Variants in SLC18A2 observed in about 807,000 individuals in gnomAD.
The protein encoded by SLC18A2 is synaptic vesicular amine transporter.
Under a neutral mutation model 59.2 loss-of-function variants are expected in SLC18A2, and 33 were observed. The ratio of observed to expected loss-of-function variants is 0.56; its 90% confidence interval spans 0.42 to 0.75. The LOEUF is 0.75. SLC18A2 is among the 30% of genes least tolerant of loss of function. The probability of loss-of-function intolerance (pLI) is 0.00; values close to 1 mark genes in which losing one functional copy is unlikely to be tolerated. For missense variants in SLC18A2, 569 were observed against 668.6 expected (o/e 0.85, Z 1.64); for synonymous variants, 228 against 253.5 (o/e 0.90, Z 0.95).
rs138960088 is a variant in SLC18A2, at chr10:117,262,408, G to A, written c.992-4325G>A. Among the ~76,000 whole-genome samples, 109 of 152,330 alleles carry A rather than the reference G, an allele frequency of 7.2e-4. 1 individual carries two copies. Among genetic ancestry groups the A allele is most frequent in the Middle Eastern group, 3.4e-3 (1 of 294 alleles). On this transcript the variant is annotated intron_variant, in intron 10 of 15. Transcript: ENST00000644641. ...AGACCTTCAGAGCTCCTAAAGAGGC[G>A]TGCCGCTTGGCAGGAGGGGTGGACT...
intron 10 of SLC18A2, among the ~76,000 whole-genome samples, chr10:117,259,506 C>T (rs1844270374): frequency 6.6e-6 from 1 of 152,258 alleles, no homozygotes; most frequent in Admixed American, 6.5e-5. Flanking sequence ...CCTCCCACAG[C>T]ATAGCCTCCC....
chr10:117,264,733 C>T (rs2133740519), intron 10 of SLC18A2, among the ~76,000 whole-genome samples: 1 of 152,306 alleles, frequency 6.6e-6, no homozygotes, highest in South Asian at 2.1e-4. Context: ...TTCATTTATA[C>T]CTACCTGGCC....
Position 117,241,709 on chromosome 10 carries a change from C to G in SLC18A2, c.16C>G (p.Leu6Val), listed in dbSNP as rs757075197. The change falls in exon 2 of 16, where the codon CTG becomes GTG. Residue 6 changes from leucine to valine, a missense_variant. Physicochemically the swap from Leu to Val is conservative, Grantham distance 32. Transcript: ENST00000644641. The stretch of plus-strand genomic sequence containing the variant: ...CCCCGGAGCCATGGCCCTGAGCGAG[C>G]TGGCGCTGGTCCGCTGGCTGCAGGA... MALSE[L>V]ALVRWLQESR... 1 of 1,600,622 alleles carries G rather than the reference C, an allele frequency of 6.2e-7. No homozygotes were observed. The highest frequency in any genetic ancestry group is 8.5e-7 in the Non-Finnish European group (1 of 1,175,022).
At chr10:117,247,504 A>G (rs759953104) in intron 3 of SLC18A2, among the ~76,000 whole-genome samples, 8 of 152,184 alleles carry the variant, frequency 5.3e-5, no homozygotes, top group Admixed American at 5.2e-4. Flanking sequence ...TTACAATTAT[A>G]CAGCTTGTAC....
Position 117,277,338 on chromosome 10 carries a change from G to C in SLC18A2, c.*72G>C. ...TGTTTCCAGTGACACAACTCATCCAGAACTGTCTTAGTCATACCATCCATC... is the reference window on the plus strand; with the variant it reads ...TGTTTCCAGTGACACAACTCATCCACAACTGTCTTAGTCATACCATCCATC... On this transcript the variant is annotated 3_prime_UTR_variant, in exon 16 of 16. Coordinates refer to ENST00000644641, the MANE Select transcript of SLC18A2 (RefSeq NM_003054.6). 1.1e-6 allele frequency: 1 copy of C among 920,666 alleles called. No homozygotes were observed. Among genetic ancestry groups the C allele is most frequent in the Non-Finnish European group, 1.7e-6 (1 of 588,042 alleles). The allele number at this position is 920,666 out of a possible 1,614,324, so 57.0% of individuals were successfully genotyped here. A position where few individuals can be genotyped will look rare whatever the true frequency, so the allele number is the denominator to read the frequency against.
In SLC18A2 at chr10:117,244,140, A is replaced by G. The variant is rs1430359892; in HGVS notation, c.291A>G (p.Thr97=). ...CCGGGAATGCTACCAGAGACCTGACACTTCATCAGACCGCCACACAGCACA... is the reference window on the plus strand; with the variant it reads ...CCGGGAATGCTACCAGAGACCTGACGCTTCATCAGACCGCCACACAGCACA... ...MVTGNATRDL[T]LHQTATQHMV... is the part of the protein sequence containing the mutation. The change falls in exon 3 of 16, where the codon ACA becomes ACG. Residue 97 remains threonine, a synonymous_variant. Transcript: ENST00000644641. 1 of 1,614,032 alleles carries G rather than the reference A, an allele frequency of 6.2e-7. No homozygotes were observed. The highest frequency in any genetic ancestry group is 8.5e-7 in the Non-Finnish European group (1 of 1,180,038).
Position 117,277,228 on chromosome 10 carries a change from T to C in SLC18A2, c.1507T>C (p.Tyr503His), listed in dbSNP as rs555314440. 1 of 1,611,398 alleles carries C rather than the reference T, an allele frequency of 6.2e-7. No individual in the cohort carries two copies. Among genetic ancestry groups the C allele is most frequent in the African/African-American group, 1.3e-5 (1 of 74,992 alleles). The change falls in exon 16 of 16, where the codon TAT (tyrosine) becomes CAT (histidine). Residue 503 changes from tyrosine to histidine, a missense_variant. Tyr to His is a moderately conservative substitution (Grantham distance 83). Coordinates refer to ENST00000644641, the MANE Select transcript of SLC18A2 (RefSeq NM_003054.6). ...KMYTQNNIQS[Y>H]PIGEDEESES... ...GTACACTCAGAATAATATCCAGTCATATCCGATAGGTGAAGATGAAGAATC... is the reference window on the plus strand; with the variant it reads ...GTACACTCAGAATAATATCCAGTCACATCCGATAGGTGAAGATGAAGAATC...
chr10:117,253,426 G>A lies in SLC18A2; in HGVS notation c.492G>A (p.Ala164=), dbSNP rs765495495. ...NRIGYPIPIF[A]GFCIMFVSTI... is the part of the protein sequence containing the mutation. ...TTGGCTATCCAATTCCCATATTTGC[G>A]GGATTCTGCATCATGTTTGTCTCAA... The change falls in exon 4 of 16, where the codon GCG becomes GCA. Residue 164 remains alanine (A), a synonymous_variant. Coordinates refer to ENST00000644641, the MANE Select transcript of SLC18A2 (RefSeq NM_003054.6). The A allele has an allele frequency of 1.5e-5, 25 of 1,613,694 alleles. No individual in the cohort carries two copies. The highest frequency in any genetic ancestry group is 1.7e-4 in the Middle Eastern group (1 of 6,060).
intron 13 of SLC18A2, 35 bp from the exon 14 acceptor site, chr10:117,270,036 G>A (rs754481751): frequency 1.3e-5 from 21 of 1,608,366 alleles, no homozygotes; most frequent in East Asian, 6.7e-5. Flanking sequence ...GTTTACATCC[G>A]TTTTCTATAC....
rs1844189851 is a variant in SLC18A2 at position 117,253,597 on chromosome 10, G to A, written c.523+140G>A. On this transcript the variant is annotated intron_variant, in intron 4 of 15. Transcript: ENST00000644641. Reference sequence around the variant, plus strand: ...TGGTTGGCTCATGCCTGTAATCCGAGCACTTTGGGAGGCTGAGGTGGGCGG... The same window carrying A: ...TGGTTGGCTCATGCCTGTAATCCGAACACTTTGGGAGGCTGAGGTGGGCGG... 3.7e-5 allele frequency: 21 copies of A among 575,286 alleles called. No homozygotes were observed. In the South Asian group the frequency reaches 4.0e-4, roughly 11 times the overall value. 35.6% of individuals were successfully genotyped at this position (575,286 alleles called of 1,614,324 possible).
chr10:117,272,389 C>T (rs991589744), intron 15 of SLC18A2, among the ~76,000 whole-genome samples: 3 of 152,136 alleles, frequency 2.0e-5, no homozygotes, highest in Non-Finnish European at 4.4e-5. Context: ...TTGTGATGTC[C>T]GTTTGTGAAC....
At chr10:117,252,166 T>C (rs1463828927) in intron 3 of SLC18A2, among the ~76,000 whole-genome samples, 1 of 111,776 alleles carries the variant, frequency 8.9e-6, no homozygotes, top group African/African-American at 3.4e-5. Context: ...TTTTTTTTAG[T>C]ACAGACAGGG....
intron 10 of SLC18A2, among the ~76,000 whole-genome samples, chr10:117,264,254 A>T (rs1424018623): frequency 6.6e-6 from 1 of 152,234 alleles, no homozygotes; most frequent in African/African-American, 2.4e-5. Context: ...GCCATGGCCC[A>T]GGGCACTGTT....
chr10:117,274,873 G>A lies in SLC18A2; in HGVS notation c.1441-2289G>A, dbSNP rs116249285. ...GATAGGACCTTAAAGGCACTGAGATGCAACACCTAGTAGGTGTCCCGTCAG... is the reference window on the plus strand; with the variant it reads ...GATAGGACCTTAAAGGCACTGAGATACAACACCTAGTAGGTGTCCCGTCAG... On this transcript the variant is annotated intron_variant, in intron 15 of 15. Transcript: ENST00000644641. 6.4e-3 allele frequency among the ~76,000 whole-genome samples: 976 copies of A among 152,268 alleles called. 13 individuals carry two copies. The highest frequency in any genetic ancestry group is 0.022 in the African/African-American group (931 of 41,548).
At chr10:117,276,428 A>G (rs963004597) in intron 15 of SLC18A2, among the ~76,000 whole-genome samples, 2 of 151,802 alleles carry the variant, frequency 1.3e-5, no homozygotes, top group African/African-American at 4.8e-5. Context: ...CCTGGCCAAC[A>G]TGGTGAAACC....
At chr10:117,274,069 G>A (rs1268896577) in intron 15 of SLC18A2, among the ~76,000 whole-genome samples, 5 of 152,098 alleles carry the variant, frequency 3.3e-5, no homozygotes, top group African/African-American at 9.7e-5. Flanking sequence ...CTTGTTCCCC[G>A]GGCACCTGAC....
rs1000825214 is a variant in SLC18A2, at chr10:117,278,952, C to G, written c.*1686C>G. On this transcript the variant is annotated 3_prime_UTR_variant, in exon 16 of 16. Coordinates refer to ENST00000644641, the MANE Select transcript of SLC18A2 (RefSeq NM_003054.6). ...ACAGGGGTAGAGCCTTAAAAAAGAA[C>G]GTGCTACAAATTGGTTCTCTTTGAG... is the stretch of plus-strand genomic sequence containing the variant. 1 of 152,122 alleles carries G rather than the reference C, an allele frequency of 6.6e-6. No individual in the cohort carries two copies. Among genetic ancestry groups the G allele is most frequent in the African/African-American group, 2.4e-5 (1 of 41,418 alleles). 9.4% of individuals were successfully genotyped at this position (152,122 alleles called of 1,614,324 possible).
Position 117,257,862 on chromosome 10 carries a change from G to A in SLC18A2, c.961G>A (p.Glu321Lys), listed in dbSNP as rs1347748364. The A allele has an allele frequency of 1.9e-6, 3 of 1,612,246 alleles. No homozygotes were observed. The highest frequency in any genetic ancestry group is 1.7e-6 in the Non-Finnish European group (2 of 1,179,054). Reference sequence around the variant, plus strand: ...GCCAGCCCTGCCCATCTGGATGATGGAGACCATGTGTTCCCGAAAGTGGCA... The same window carrying A: ...GCCAGCCCTGCCCATCTGGATGATGAAGACCATGTGTTCCCGAAAGTGGCA... ...LEPALPIWMM[E>K]TMCSRKWQLG... is the part of the protein sequence containing the mutation. The change falls in exon 10 of 16, where the codon GAG becomes AAG. Residue 321 changes from glutamate (E) to lysine (K), a missense_variant. By Grantham distance (56) the Glu-to-Lys change is moderately conservative. Around this residue, in one of 2 missense-constraint regions of SLC18A2, gnomAD observed 192 missense variants for 278.8 expected, o/e 0.69. Coordinates refer to ENST00000644641, the MANE Select transcript of SLC18A2 (RefSeq NM_003054.6).
At chr10:117,249,298 A>G (rs1565002291) in intron 3 of SLC18A2, among the ~76,000 whole-genome samples, 2 of 152,232 alleles carry the variant, frequency 1.3e-5, no homozygotes, top group African/African-American at 2.4e-5. Flanking sequence ...CTGTTAAGCT[A>G]TGTGTCAGAG....
Sources: gnomAD v4.1 joint callset for allele counts (sites outside exome capture counted in the v4.1 genomes callset) on GRCh38, gnomAD v4.1.1 for gene constraint, gnomAD v4.1.1 regional missense constraint, MANE v1.5 for transcripts, NCBI Gene and HGNC (gene_info 2026-07-23, HGNC 2026-07-21) for gene names.